Variants in TBC1D22A observed in about 807,000 individuals in gnomAD.
TBC1D22A encodes TBC1 domain family member 22A.
Under a neutral mutation model 60.2 loss-of-function variants are expected in TBC1D22A, and 38 were observed. The observed-to-expected ratio is 0.63, with a 90% CI of 0.49 to 0.83. The LOEUF (loss-of-function observed/expected upper bound fraction) is 0.83. Among genes scored for constraint, TBC1D22A ranks in the 40% least tolerant of loss-of-function variants. The probability of loss-of-function intolerance (pLI) is 0.00; values close to 1 mark genes in which losing one functional copy is unlikely to be tolerated. For missense variants in TBC1D22A, 628 were observed against 701.0 expected (o/e 0.90, Z 1.18); for synonymous variants, 302 against 281.7 (o/e 1.07, Z -0.72).
chr22:46,813,301 T>C (rs926975908), intron 4 of TBC1D22A, among the ~76,000 whole-genome samples: 10 of 152,250 alleles, frequency 6.6e-5, no homozygotes, highest in African/African-American at 9.6e-5. Flanking sequence ...CCCTATTACC[T>C]AAGCCACATA....
intron 8 of TBC1D22A, among the ~76,000 whole-genome samples, chr22:46,943,232 G>A (rs1055705792): frequency 2.0e-5 from 3 of 152,208 alleles, no homozygotes; most frequent in Admixed American, 1.3e-4. Context: ...ATCCATCTCG[G>A]TGTAATTAAT....
At chr22:46,982,056 C>G (rs935649156) in intron 9 of TBC1D22A, among the ~76,000 whole-genome samples, 16 of 152,208 alleles carry the variant, frequency 1.1e-4, no homozygotes, top group African/African-American at 3.4e-4. Context: ...TGTGGGATCA[C>G]TCAGAGTGCT....
In TBC1D22A at chr22:46,939,051, A is replaced by G. The variant is rs1231335675; in HGVS notation, c.1015+26863A>G. ...TGCATTATCTTCCAAAAAGGTGTGA[A>G]AACAATCTGGAGACACCATTTTTGA... is the stretch of plus-strand genomic sequence containing the variant. On this transcript the variant is annotated intron_variant, in intron 8 of 12. Coordinates refer to ENST00000337137, the MANE Select transcript of TBC1D22A (RefSeq NM_014346.5). Among the ~76,000 whole-genome samples the G allele has an allele frequency of 2.5e-5, 3 of 119,466 alleles. 1 individual carries two copies. The highest frequency in any genetic ancestry group is 5.4e-5 in the Non-Finnish European group (3 of 55,882). The allele number at this position is 119,466 out of a possible 152,430, so 78.4% of individuals were successfully genotyped here. A position where few individuals can be genotyped will look rare whatever the true frequency, so the allele number is the denominator to read the frequency against.
At chr22:46,943,196 T>C (rs1385476298) in intron 8 of TBC1D22A, among the ~76,000 whole-genome samples, 2 of 151,992 alleles carry the variant, frequency 1.3e-5, no homozygotes, top group East Asian at 1.9e-4. Flanking sequence ...TTTTGGCTTA[T>C]GCTCTCCTCC....
At chr22:46,809,228 C>G (rs1277366341) in intron 4 of TBC1D22A, among the ~76,000 whole-genome samples, 1 of 152,144 alleles carries the variant, frequency 6.6e-6, no homozygotes, top group Non-Finnish European at 1.5e-5. Flanking sequence ...TGAGTTGTCA[C>G]ATGGCATTTC....
intron 11 of TBC1D22A, among the ~76,000 whole-genome samples, chr22:47,044,340 C>A (rs1304252606): frequency 6.6e-6 from 1 of 152,216 alleles, no homozygotes; most frequent in African/African-American, 2.4e-5. Context: ...TCCTTTGGAC[C>A]TGCTGTCCCA....
intron 12 of TBC1D22A, 35 bp downstream of exon 12, chr22:47,111,638 G>T: frequency 1.3e-6 from 2 of 1,573,332 alleles, no homozygotes; most frequent in East Asian, 2.2e-5. Flanking sequence ...ACCCAAGTTT[G>T]ATTTTCTACT....
intron 10 of TBC1D22A, among the ~76,000 whole-genome samples, chr22:47,017,482 C>T (rs971382087): frequency 2.6e-5 from 4 of 152,082 alleles, no homozygotes; most frequent in African/African-American, 7.2e-5. Flanking sequence ...ATGGGGTTGG[C>T]GGCAGAATGC....
chr22:47,138,858 G>A (rs773260644), intron 12 of TBC1D22A, among the ~76,000 whole-genome samples: 31 of 152,318 alleles, frequency 2.0e-4, no homozygotes, highest in Non-Finnish European at 3.2e-4. Context: ...GCCTCTCGGC[G>A]TCTCCTTCAT....
At position 47,113,835 on chromosome 22, in the gene TBC1D22A, A is replaced by C. The variant is rs150124169; in HGVS notation, c.1425+2232A>C. 3.0e-4 allele frequency among the ~76,000 whole-genome samples: 46 copies of C among 152,266 alleles called. 1 individual carries two copies. In the East Asian group the frequency reaches 6.2e-3, roughly 21 times the overall value. On this transcript the variant is annotated intron_variant, in intron 12 of 12. Transcript: ENST00000337137. ...CCATGAGCCCCTCAGGGTGAAGGAC[A>C]GGAGATAGGGACAGCTGTGGATGCC...
chr22:46,875,520 C>T (rs578044567), intron 4 of TBC1D22A, among the ~76,000 whole-genome samples: 3 of 151,868 alleles, frequency 2.0e-5, no homozygotes, highest in Non-Finnish European at 2.9e-5. Context: ...AGCGTGATCT[C>T]GGCTCACTGC....
chr22:46,782,117 C>G (rs1050660778), intron 1 of TBC1D22A, among the ~76,000 whole-genome samples: 1 of 152,220 alleles, frequency 6.6e-6, no homozygotes, highest in Admixed American at 6.5e-5. Context: ...TGCAGTGGCA[C>G]GATCTCGGCT....
chr22:47,149,865 T>G (rs981322321), intron 12 of TBC1D22A, among the ~76,000 whole-genome samples: 13 of 152,186 alleles, frequency 8.5e-5, no homozygotes, highest in African/African-American at 3.1e-4. Context: ...TGGGATGCCT[T>G]GGGCCTTTTG....
intron 10 of TBC1D22A, among the ~76,000 whole-genome samples, chr22:47,016,760 T>C (rs1569341108): frequency 6.6e-6 from 1 of 152,238 alleles, no homozygotes; most frequent in Non-Finnish European, 1.5e-5. Flanking sequence ...GCCGTATTCG[T>C]TTCAGAAGCT....
chr22:46,988,893 A>G (rs1407291699), intron 9 of TBC1D22A, among the ~76,000 whole-genome samples: 1 of 152,242 alleles, frequency 6.6e-6, no homozygotes, highest in Non-Finnish European at 1.5e-5. Context: ...TGAAAGTTGT[A>G]GATGGTGTCT....
At chr22:46,808,511 T>TGG (rs1729743335) in intron 4 of TBC1D22A, among the ~76,000 whole-genome samples, 1 of 152,160 alleles carries the variant, frequency 6.6e-6, no homozygotes, top group Non-Finnish European at 1.5e-5. Context: ...TGGTTTTGCA[T>TGG]AGAGAGGTGA....
At chr22:47,039,624 T>TA (rs1368451271) in intron 11 of TBC1D22A, among the ~76,000 whole-genome samples, 27 of 141,906 alleles carry the variant, frequency 1.9e-4, no homozygotes, top group Non-Finnish European at 3.3e-4. Context: ...GAGCCAATGA[T>TA]GCAGAGATAG....
At chr22:46,969,872 TA>T (rs1405414683) in intron 8 of TBC1D22A, among the ~76,000 whole-genome samples, 1 of 152,226 alleles carries the variant, frequency 6.6e-6, no homozygotes, top group East Asian at 1.9e-4. Context: ...TGTTAATGTT[TA>T]TAATTAAATG....
chr22:46,827,231 G>C (rs2086108693), intron 4 of TBC1D22A, among the ~76,000 whole-genome samples: 1 of 152,168 alleles, frequency 6.6e-6, no homozygotes, highest in Non-Finnish European at 1.5e-5. Context: ...ACTTACCTTG[G>C]AGAGTGCTCT....
Sources: gnomAD v4.1 joint callset for allele counts (sites outside exome capture counted in the v4.1 genomes callset) on GRCh38, gnomAD v4.1.1 for gene constraint, MANE v1.5 for transcripts, NCBI Gene and HGNC (gene_info 2026-07-23, HGNC 2026-07-21) for gene names.